SMCO2: variants seen among roughly 807,000 people sequenced by gnomAD.
SMCO2 encodes the protein single-pass membrane and coiled-coil domain-containing protein 2.
A neutral mutation model predicts 29.5 loss-of-function variants in SMCO2; 25 were observed. The observed-to-expected ratio is 0.85, with a 90% CI of 0.62 to 1.18. SMCO2 has a LOEUF of 1.18. Ranked by LOEUF, SMCO2 falls within the 50% of genes most tolerant of loss-of-function variation. The pLI is 0.00. For synonymous variants in SMCO2, 117 were observed against 123.3 expected (o/e 0.95, Z 0.34); for missense variants, 348 against 344.5 (o/e 1.01, Z -0.08).
At chr12:27,450,384 C>T in the SMCO2 span, among the ~76,000 whole-genome samples, 5 of 152,068 alleles carry the variant, frequency 3.3e-5, no homozygotes, top group Non-Finnish European at 5.9e-5. Flanking sequence ...CCAGTTTCCA[C>T]TGGACCTCTG....
intron 5 of SMCO2, 126 bp from the exon 7 acceptor site, chr12:27,494,174 G>A: frequency 1.8e-6 from 1 of 552,148 alleles, no homozygotes; most frequent in Non-Finnish European, 3.0e-6. Context: ...AGAGGAAGAA[G>A]TTTACAAAGT....
chr12:27,488,470 G>C, exon 5 of SMCO2: 2 of 1,533,092 alleles, frequency 1.3e-6, no homozygotes, highest in South Asian at 2.5e-5. Context: ...CTTATTAAAA[G>C]ACATGCTGAC....
intron 7 of SMCO2, chr12:27,498,115 C>A: frequency 2.8e-6 from 1 of 351,144 alleles, no homozygotes; most frequent in Non-Finnish European, 5.6e-6. Context: ...TTGCTTATGG[C>A]TGTATCAAAT....
the SMCO2 span, chr12:27,424,546 C>T: frequency 6.6e-6 from 1 of 152,122 alleles, no homozygotes; most frequent in Non-Finnish European, 1.5e-5. Context: ...AAAAGGATGT[C>T]TTTGTTGTCA....
At chr12:27,494,954 T>C (rs985016421) in intron 6 of SMCO2, among the ~76,000 whole-genome samples, 2 of 152,110 alleles carry the variant, frequency 1.3e-5, no homozygotes, top group African/African-American at 4.8e-5. Context: ...ATATTACCCA[T>C]TCTTCAAGGC....
At chr12:27,478,423 C>A (rs1393350081) in intron 4 of SMCO2, among the ~76,000 whole-genome samples, 1 of 152,124 alleles carries the variant, frequency 6.6e-6, no homozygotes, top group East Asian at 1.9e-4. Flanking sequence ...CTGACAGTGG[C>A]AGCAGTGGCT....
chr12:27,480,973 G>T (rs1949637869), intron 4 of SMCO2, among the ~76,000 whole-genome samples: 1 of 152,154 alleles, frequency 6.6e-6, no homozygotes, highest in South Asian at 2.1e-4. Flanking sequence ...CCAAACTTTG[G>T]CTCCCTTTGT....
chr12:27,493,018 T>A (rs777408545), intron 5 of SMCO2, among the ~76,000 whole-genome samples: 1 of 152,162 alleles, frequency 6.6e-6, no homozygotes, highest in Admixed American at 6.5e-5. Flanking sequence ...AAGAACGAGA[T>A]CATGTCTTTT....
At chr12:27,458,646 G>C in the SMCO2 span, among the ~76,000 whole-genome samples, 1 of 150,340 alleles carries the variant, frequency 6.7e-6, no homozygotes, top group East Asian at 2.0e-4. Flanking sequence ...AGCACTTTGG[G>C]AGGCCAACGT....
At chr12:27,440,495 A>C in the SMCO2 span, among the ~76,000 whole-genome samples, 2 of 152,218 alleles carry the variant, frequency 1.3e-5, no homozygotes, top group Non-Finnish European at 2.9e-5. Flanking sequence ...TCCACTTATA[A>C]CTCTAGAATG....
intron 5 of SMCO2, among the ~76,000 whole-genome samples, chr12:27,492,798 G>A (rs1014053152): frequency 6.6e-6 from 1 of 152,148 alleles, no homozygotes; most frequent in African/African-American, 2.4e-5. Context: ...GCTAAAAGCA[G>A]AACTACCAGT....
At chr12:27,486,527 G>A (rs1949690516) in intron 4 of SMCO2, among the ~76,000 whole-genome samples, 1 of 152,068 alleles carries the variant, frequency 6.6e-6, no homozygotes, top group South Asian at 2.1e-4. Flanking sequence ...GTTTAAAATG[G>A]GAGGCTAAAT....
chr12:27,425,634 CA>C, the SMCO2 span, among the ~76,000 whole-genome samples: 2 of 152,146 alleles, frequency 1.3e-5, no homozygotes, highest in Admixed American at 1.3e-4. Context: ...TCAGAAGTTC[CA>C]AGCGTATATT....
the SMCO2 span, among the ~76,000 whole-genome samples, chr12:27,436,856 G>T: frequency 1.3e-5 from 2 of 152,336 alleles, no homozygotes; most frequent in African/African-American, 4.8e-5. Context: ...TATGAAGCCA[G>T]TTGTCTTGCC....
chr12:27,441,280 G>A, the SMCO2 span, among the ~76,000 whole-genome samples: 1 of 152,040 alleles, frequency 6.6e-6, no homozygotes, highest in African/African-American at 2.4e-5. Flanking sequence ...AATAAAGAAG[G>A]CATAGAGGAG....
chr12:27,448,019 G>A, the SMCO2 span, among the ~76,000 whole-genome samples: 2 of 152,146 alleles, frequency 1.3e-5, no homozygotes, highest in South Asian at 2.1e-4. Flanking sequence ...GTATCTTTAC[G>A]CATGCTTGCA....
chr12:27,446,831 T>A, the SMCO2 span, among the ~76,000 whole-genome samples: 146 of 152,240 alleles, frequency 9.6e-4, 1 homozygote, highest in African/African-American at 3.4e-3. Flanking sequence ...ATTCAGTAAG[T>A]CTGGGAGGGG....
At chr12:27,487,006 A>G (rs886633539) in intron 4 of SMCO2, among the ~76,000 whole-genome samples, 3 of 152,230 alleles carry the variant, frequency 2.0e-5, no homozygotes, top group Non-Finnish European at 2.9e-5. Flanking sequence ...CCTGAATGGT[A>G]GCATCTTGCC....
chr12:27,463,425 C>T (rs1419397643), upstream of SMCO2, among the ~76,000 whole-genome samples: 4 of 152,076 alleles, frequency 2.6e-5, no homozygotes, highest in Non-Finnish European at 4.4e-5. Flanking sequence ...CCACCACGTC[C>T]GGCTAATTTT....
Sources: allele counts gnomAD v4.1 joint callset (sites outside exome capture counted in the v4.1 genomes callset), GRCh38; gene constraint gnomAD v4.1.1; transcripts MANE v1.5; gene names NCBI Gene and HGNC (gene_info 2026-07-23, HGNC 2026-07-21).